ZNF560: variants seen among roughly 807,000 people sequenced by gnomAD.
ZNF560 encodes the protein zinc finger protein 560.
ZNF560 carries 54 observed loss-of-function variants against 81.8 expected under a neutral mutation model. The observed-to-expected ratio is 0.66, with a 90% CI of 0.53 to 0.83. The LOEUF (loss-of-function observed/expected upper bound fraction) is 0.83, where lower values mean the gene tolerates loss of function less well. Ranked by LOEUF, ZNF560 falls within the 40% of genes least tolerant of loss-of-function variation. The probability of loss-of-function intolerance (pLI) is 0.00; values close to 1 mark genes in which losing one functional copy is unlikely to be tolerated. For synonymous variants in ZNF560, 321 were observed against 317.9 expected, an observed-to-expected ratio of 1.01 and a Z score of -0.10; for missense variants, 940 against 932.4, an observed-to-expected ratio of 1.01 and a Z score of -0.11.
In ZNF560 at chr19:9,466,860, G is replaced by C. The variant is rs1568448950; in HGVS notation, c.2087C>G (p.Ser696Cys). Residue 696 changes from serine to cysteine, a missense_variant, in exon 10 of 10, where the codon TCC (serine) becomes TGC (cysteine). Physicochemically the swap from Ser to Cys is moderately radical, Grantham distance 112. Coordinates refer to ENST00000301480, the MANE Select transcript of ZNF560 (RefSeq NM_152476.3). ...CNACGNSFRN[S>C]MCFHDRLKTL... ...TTTTAAGCGATCATGAAAGCACATG[G>C]AATTTCGAAAGGAATTTCCACATGC... The C allele has an allele frequency of 6.2e-7, 1 of 1,613,720 alleles. No individual in the cohort carries two copies. The highest frequency in any genetic ancestry group is 8.5e-7 in the Non-Finnish European group (1 of 1,179,984).
At chr19:9,485,526 T>C (rs1343459410) in intron 2 of ZNF560, among the ~76,000 whole-genome samples, 1 of 142,428 alleles carries the variant, frequency 7.0e-6, no homozygotes, top group Non-Finnish European at 1.5e-5. Context: ...AAAAAAAAAG[T>C]GCTGAAGAAC....
chr19:9,479,435 A>G (rs528916932), intron 2 of ZNF560, among the ~76,000 whole-genome samples: 1 of 152,330 alleles, frequency 6.6e-6, no homozygotes, highest in South Asian at 2.1e-4. Flanking sequence ...ACCAAAAGAC[A>G]GCTAAGTTAA....
upstream of ZNF560, among the ~76,000 whole-genome samples, chr19:9,500,317 G>A (rs113132005): frequency 0.013 from 1,895 of 151,124 alleles, 16 homozygotes; most frequent in Non-Finnish European, 0.02. Context: ...CCTGGGAGGC[G>A]GAGGTTACGG....
At chr19:9,460,566 TTATGAG>T in the ZNF560 span, among the ~76,000 whole-genome samples, 1 of 152,136 alleles carries the variant, frequency 6.6e-6, no homozygotes, top group Non-Finnish European at 1.5e-5. Flanking sequence ...GAAGGAACTG[TTATGAG>T]TATTTCTTTA....
chr19:9,450,371 C>T, the ZNF560 span, among the ~76,000 whole-genome samples: 13 of 152,002 alleles, frequency 8.6e-5, no homozygotes, highest in African/African-American at 2.9e-4. Flanking sequence ...CCAGCCAGAA[C>T]AATCAAAGAA....
chr19:9,474,078 T>C, intron 4 of ZNF560, 121 bp downstream of exon 4: 1 of 1,121,644 alleles, frequency 8.9e-7, no homozygotes, highest in South Asian at 1.3e-5. Context: ...AATTAAGACC[T>C]ATTATGGCAG....
chr19:9,491,170 T>C (rs902270506), intron 2 of ZNF560, among the ~76,000 whole-genome samples: 4 of 152,116 alleles, frequency 2.6e-5, no homozygotes, highest in Admixed American at 6.6e-5. Flanking sequence ...TGGAGTGCAG[T>C]GGTGTGATCA....
intron 2 of ZNF560, among the ~76,000 whole-genome samples, chr19:9,488,456 T>C (rs866876984): frequency 3.9e-5 from 6 of 152,020 alleles, no homozygotes; most frequent in South Asian, 4.2e-4. Context: ...CTGCTTGAAA[T>C]TTTTGTGACA....
chr19:9,497,509 T>C (rs1480921350), intron 2 of ZNF560, among the ~76,000 whole-genome samples: 3 of 129,104 alleles, frequency 2.3e-5, no homozygotes, highest in Non-Finnish European at 3.1e-5. Flanking sequence ...CACTCCAGCC[T>C]GGGCGACACA....
At chr19:9,455,759 A>C in the ZNF560 span, among the ~76,000 whole-genome samples, 1 of 152,206 alleles carries the variant, frequency 6.6e-6, no homozygotes, top group African/African-American at 2.4e-5. Context: ...GAGGGAAAGC[A>C]CATTTAGTTG....
At chr19:9,492,407 T>C (rs1243130459) in intron 2 of ZNF560, among the ~76,000 whole-genome samples, 1 of 152,218 alleles carries the variant, frequency 6.6e-6, no homozygotes, top group Non-Finnish European at 1.5e-5. Context: ...AGGATTTGTA[T>C]AGAGGCAGAT....
At chr19:9,470,108 G>A (rs1599651788) in intron 7 of ZNF560, among the ~76,000 whole-genome samples, 1 of 152,076 alleles carries the variant, frequency 6.6e-6, no homozygotes, top group East Asian at 1.9e-4. Flanking sequence ...TGAATACAGG[G>A]CCCCAACAGC....
rs1325934719 is a variant in ZNF560 at position 9,466,932 on chromosome 19, G to A, written c.2015C>T (p.Thr672Ile). 5.6e-6 allele frequency: 9 copies of A among 1,614,046 alleles called. No individual in the cohort carries two copies. The highest frequency in any genetic ancestry group is 6.8e-6 in the Non-Finnish European group (8 of 1,180,008). The change falls in exon 10 of 10, where the codon ACT (threonine) becomes ATT (isoleucine). Residue 672 changes from threonine to isoleucine, a missense_variant. By Grantham distance (89) the Thr-to-Ile change is moderately conservative. Coordinates refer to ENST00000301480, the MANE Select transcript of ZNF560 (RefSeq NM_152476.3). ...EKAYSRSCVL[T>I]QHLKTHAAEK... Reference sequence around the variant, plus strand: ...TGCTGCATGAGTTTTTAAGTGTTGAGTTAGTACACAAGACCTACTGTAAGC... The same window carrying A: ...TGCTGCATGAGTTTTTAAGTGTTGAATTAGTACACAAGACCTACTGTAAGC...
intron 2 of ZNF560, among the ~76,000 whole-genome samples, chr19:9,487,682 A>G (rs540931717): frequency 1.3e-5 from 2 of 152,288 alleles, no homozygotes; most frequent in Non-Finnish European, 2.9e-5. Flanking sequence ...TACTAAAGCA[A>G]AAGGCATTAG....
At chr19:9,502,189 ATGTTT>A (rs1008085842), upstream of ZNF560, among the ~76,000 whole-genome samples, 18 of 150,542 alleles carry the variant, frequency 1.2e-4, no homozygotes, top group African/African-American at 3.7e-4. Context: ...GTGTTCTCTC[ATGTTT>A]TGTTTTGTTT....
At chr19:9,505,169 T>A in the ZNF560 span, among the ~76,000 whole-genome samples, 5 of 152,218 alleles carry the variant, frequency 3.3e-5, no homozygotes, top group Non-Finnish European at 5.9e-5. Context: ...CAAGCAATCC[T>A]CCTGCCTCAG....
At chr19:9,457,398 C>T in the ZNF560 span, among the ~76,000 whole-genome samples, 2 of 152,218 alleles carry the variant, frequency 1.3e-5, no homozygotes, top group African/African-American at 4.8e-5. Flanking sequence ...TGGTAAACAA[C>T]TTGCAGGCTG....
chr19:9,449,075 C>A, the ZNF560 span, among the ~76,000 whole-genome samples: 1 of 152,202 alleles, frequency 6.6e-6, no homozygotes, highest in Non-Finnish European at 1.5e-5. Flanking sequence ...TTCAACACCC[C>A]ACTGGCAGTG....
chr19:9,499,527 A>G (rs558486999), upstream of ZNF560, among the ~76,000 whole-genome samples: 1 of 152,198 alleles, frequency 6.6e-6, no homozygotes, highest in Admixed American at 6.5e-5. Flanking sequence ...TTCTTCAACA[A>G]TGTATTTGTT....
Sources: allele counts gnomAD v4.1 joint callset (sites outside exome capture counted in the v4.1 genomes callset), GRCh38; gene constraint gnomAD v4.1.1; transcripts MANE v1.5; gene names NCBI Gene and HGNC (gene_info 2026-07-23, HGNC 2026-07-21).